SDHA: variants seen among roughly 807,000 people sequenced by gnomAD.
SDHA encodes succinate dehydrogenase [ubiquinone] flavoprotein subunit, mitochondrial.
SDHA carries 48 observed loss-of-function variants against 78.4 expected under a neutral mutation model. That is an observed-to-expected ratio of 0.61 (90% CI 0.49 to 0.78). SDHA has a LOEUF of 0.78. Ranked by LOEUF, SDHA falls within the 30% of genes least tolerant of loss-of-function variation. The pLI, the probability that SDHA is intolerant of heterozygous loss-of-function variation, is 0.00. For missense variants in SDHA, 680 were observed against 892.7 expected, an observed-to-expected ratio of 0.76 and a Z score of 3.04; for synonymous variants, 326 against 353.9, an observed-to-expected ratio of 0.92 and a Z score of 0.88.
At chr5:251,743 C>T (rs1199995329) in intron 13 of SDHA, 9 of 1,404,796 alleles carry the variant, frequency 6.4e-6, no homozygotes, top group Non-Finnish European at 8.5e-6. Context: ...GTTAGAAGTG[C>T]AGCTAGAGTG....
intron 10 of SDHA, among the ~76,000 whole-genome samples, chr5:239,750 A>G (rs1579416333): frequency 6.6e-6 from 1 of 151,242 alleles, no homozygotes; most frequent in South Asian, 2.1e-4. Flanking sequence ...TACACTTAAT[A>G]TATATAAATT....
intron 11 of SDHA, among the ~76,000 whole-genome samples, chr5:241,260 T>C (rs10061678): frequency 0.25 from 38,048 of 151,846 alleles, 7,645 homozygotes; most frequent in African/African-American, 0.56. Context: ...GCAGGACCGC[T>C]GGAGAAGCTC....
intron 12 of SDHA, 64 bp downstream of exon 12, chr5:251,167 C>G: frequency 1.3e-6 from 2 of 1,572,098 alleles, no homozygotes; most frequent in Non-Finnish European, 8.7e-7. Flanking sequence ...GGGCTGGTGT[C>G]TGTCCCGTCA....
intron 14 of SDHA, among the ~76,000 whole-genome samples, 171 bp downstream of exon 14, chr5:254,677 G>A (rs1305794519): frequency 2.6e-5 from 4 of 152,180 alleles, no homozygotes; most frequent in Non-Finnish European, 4.4e-5. Context: ...CGGGCTTCGG[G>A]CTGGAAACAG....
At chr5:229,949 A>G (rs1249348791) in intron 6 of SDHA, among the ~76,000 whole-genome samples, 2 of 152,276 alleles carry the variant, frequency 1.3e-5, no homozygotes, top group East Asian at 3.9e-4. Flanking sequence ...AATATACAGC[A>G]TGGTGGCTAT....
Position 232,395 on chromosome 5 carries a change from G to A in SDHA, c.896-1082G>A, listed in dbSNP as rs539448740. ...CCAGCTAATTTTCGAGGGTTTTTTC[G>A]TTTTTGGTAGAGACGGGATGTCACC... is the stretch of plus-strand genomic sequence containing the variant. On this transcript the variant is annotated intron_variant, in intron 7 of 14. Coordinates refer to ENST00000264932, the MANE Select transcript of SDHA (RefSeq NM_004168.4). Among the ~76,000 whole-genome samples, 9 of 152,028 alleles carry A rather than the reference G, an allele frequency of 5.9e-5. No homozygotes were observed. The South Asian group carries it at 1.5e-3, about 25-fold the overall frequency.
intron 1 of SDHA, among the ~76,000 whole-genome samples, chr5:222,462 C>T (rs1190416177): frequency 6.6e-6 from 1 of 151,660 alleles, no homozygotes; most frequent in Non-Finnish European, 1.5e-5. Context: ...ATTCTCCTGC[C>T]TCAGCCTCCC....
At chr5:262,248 C>T in the SDHA span, among the ~76,000 whole-genome samples, 2 of 127,926 alleles carry the variant, frequency 1.6e-5, no homozygotes, top group African/African-American at 6.9e-5. Flanking sequence ...GTGAGCTCCG[C>T]CTCCCGTCAC....
chr5:239,235 TAAA>T (rs1471408427), intron 10 of SDHA, among the ~76,000 whole-genome samples: 1 of 150,656 alleles, frequency 6.6e-6, no homozygotes, highest in African/African-American at 2.5e-5. Context: ...AAAAAAAACT[TAAA>T]AACTTTTTTC....
downstream of SDHA, among the ~76,000 whole-genome samples, chr5:257,704 C>T (rs1164057301): frequency 8.2e-6 from 1 of 121,282 alleles, no homozygotes. Context: ...TGAGCTCCGC[C>T]TCCCGACAGC....
chr5:220,898 T>C (rs1734677587), intron 1 of SDHA, among the ~76,000 whole-genome samples: 1 of 151,020 alleles, frequency 6.6e-6, no homozygotes, highest in Admixed American at 6.6e-5. Flanking sequence ...CTGCAAGCTC[T>C]GCCTCCCGAG....
intron 6 of SDHA, among the ~76,000 whole-genome samples, chr5:230,115 TTGTA>T (rs1294797292): frequency 6.6e-6 from 1 of 152,238 alleles, no homozygotes; most frequent in Non-Finnish European, 1.5e-5. Flanking sequence ...AAAAGGATAA[TTGTA>T]TGAGGTGATA....
At chr5:258,852 G>A (rs1430732709), downstream of SDHA, among the ~76,000 whole-genome samples, 1 of 68,946 alleles carries the variant, frequency 1.5e-5, no homozygotes. Flanking sequence ...ATTACTGTGA[G>A]CTCCTTCTCC....
chr5:234,024 T>C, intron 8 of SDHA: 1 of 294,566 alleles, frequency 3.4e-6, no homozygotes, highest in Non-Finnish European at 6.6e-6. Context: ...GTAAAACAGT[T>C]TGCAGCTCTT....
downstream of SDHA, among the ~76,000 whole-genome samples, chr5:257,388 C>G: frequency 6.7e-6 from 1 of 149,198 alleles, no homozygotes; most frequent in East Asian, 1.9e-4. Context: ...TGTGTGAGCT[C>G]CGCCCCCTGC....
At chr5:249,073 G>C (rs189948163) in intron 11 of SDHA, 20 of 426,914 alleles carry the variant, frequency 4.7e-5, no homozygotes, top group Non-Finnish European at 7.3e-5. Context: ...ACAGATATTT[G>C]AAGCATCCCA....
intron 7 of SDHA, among the ~76,000 whole-genome samples, chr5:232,967 G>C (rs1420860436): frequency 6.6e-6 from 1 of 152,214 alleles, no homozygotes; most frequent in Non-Finnish European, 1.5e-5. Flanking sequence ...GTACTACCCA[G>C]AGTTGTTGTA....
At chr5:238,476 C>T (rs1312325888) in intron 10 of SDHA, among the ~76,000 whole-genome samples, 2 of 150,394 alleles carry the variant, frequency 1.3e-5, no homozygotes, top group Non-Finnish European at 2.9e-5. Context: ...TAGTCTCCCT[C>T]TGTCGCCCAG....
intron 11 of SDHA, among the ~76,000 whole-genome samples, chr5:244,244 A>G (rs1412537866): frequency 6.6e-6 from 1 of 151,350 alleles, no homozygotes; most frequent in Non-Finnish European, 1.5e-5. Context: ...CTGCTTGGGG[A>G]ACCCCCACCA....
Sources: allele counts gnomAD v4.1 joint callset (sites outside exome capture counted in the v4.1 genomes callset), GRCh38; gene constraint gnomAD v4.1.1; transcripts MANE v1.5; gene names NCBI Gene and HGNC (gene_info 2026-07-23, HGNC 2026-07-21).